The following SH3RF2 variants were observed in gnomAD, a reference collection of about 807,000 sequenced individuals.
SH3RF2 encodes E3 ubiquitin-protein ligase SH3RF2.
SH3RF2 carries 43 observed loss-of-function variants against 59.0 expected under a neutral mutation model. The observed-to-expected ratio is 0.73, with a 90% confidence interval of 0.57 to 0.94. The LOEUF is 0.94. SH3RF2 is among the 40% of genes least tolerant of loss of function. The pLI, the probability that SH3RF2 is intolerant of heterozygous loss-of-function variation, is 0.00. For missense variants in SH3RF2, 930 were observed against 940.1 expected (o/e 0.99, Z 0.14); for synonymous variants, 391 against 391.5 (o/e 1.00, Z 0.01).
Position 146,004,051 on chromosome 5 carries a change from C to T in SH3RF2, c.649-7C>T, listed in dbSNP as rs1402260685. ...GTAAATGCTGACCATGAGACTTTCT[C>T]TTTCAGGACGATATCATCACTGTGA... On this transcript the variant is annotated splice_region_variant and splice_polypyrimidine_tract_variant and intron_variant, in intron 3 of 9. Transcript: ENST00000359120. 2 of 1,610,514 alleles carry T rather than the reference C, an allele frequency of 1.2e-6. No homozygotes were observed. Among genetic ancestry groups the T allele is most frequent in the Non-Finnish European group, 1.7e-6 (2 of 1,177,554 alleles).
chr5:146,033,689 C>A (rs981782247), intron 5 of SH3RF2, among the ~76,000 whole-genome samples: 1 of 151,842 alleles, frequency 6.6e-6, no homozygotes, highest in African/African-American at 2.4e-5. Context: ...AGGCTGGTCT[C>A]GAACTCCCGA....
intron 7 of SH3RF2, among the ~76,000 whole-genome samples, chr5:146,053,466 C>A (rs1445427365): frequency 6.6e-6 from 1 of 152,034 alleles, no homozygotes; most frequent in Non-Finnish European, 1.5e-5. Flanking sequence ...TGAAGAAATG[C>A]AATCCTCCTC....
chr5:145,974,886 T>C (rs13162634), intron 2 of SH3RF2, among the ~76,000 whole-genome samples: 45 of 152,246 alleles, frequency 3.0e-4, no homozygotes, highest in Non-Finnish European at 5.4e-4. Context: ...TAAGGAAATC[T>C]GTAGGTCTAC....
At chr5:145,947,768 T>C (rs1009358158) in intron 2 of SH3RF2, among the ~76,000 whole-genome samples, 5 of 152,230 alleles carry the variant, frequency 3.3e-5, no homozygotes, top group Non-Finnish European at 7.3e-5. Flanking sequence ...AACAGACACA[T>C]ATAAGATGTC....
chr5:146,058,909 C>G (rs1762777725), intron 8 of SH3RF2, among the ~76,000 whole-genome samples: 1 of 151,196 alleles, frequency 6.6e-6, no homozygotes, highest in Admixed American at 6.6e-5. Context: ...ACAATGAGCT[C>G]AGGAAGGGAC....
chr5:146,073,458 C>T (rs867092149), intron 9 of SH3RF2, among the ~76,000 whole-genome samples: 1 of 152,224 alleles, frequency 6.6e-6, no homozygotes, highest in African/African-American at 2.4e-5. Flanking sequence ...CGATAACAAC[C>T]TCTCCTCCTT....
At chr5:146,051,824 G>A (rs1170204600) in intron 7 of SH3RF2, among the ~76,000 whole-genome samples, 1 of 152,194 alleles carries the variant, frequency 6.6e-6, no homozygotes, top group Non-Finnish European at 1.5e-5. Context: ...GAAACGAGAT[G>A]AGATCATCAT....
At chr5:146,047,685 G>A (rs1762354418) in intron 5 of SH3RF2, 87 bp from the exon 6 acceptor site, 2 of 1,259,976 alleles carry the variant, frequency 1.6e-6, no homozygotes, top group South Asian at 2.6e-5. Flanking sequence ...AGCTGTGTCA[G>A]GTCTTTCTAC....
In SH3RF2 at chr5:146,062,627, AAGTC is replaced by A. The variant is rs754186634; in HGVS notation, c.2119_2122del (p.Ser707LeufsTer30). ...CGGACAGCAGACAGACCTCCGGAGAAAGTCAGCTCTTGGCAAGGCCACAACCCTG... is the reference window on the plus strand; with the variant it reads ...CGGACAGCAGACAGACCTCCGGAGAAAGCTCTTGGCAAGGCCACAACCCTG... On this transcript the variant is annotated frameshift_variant, in exon 10 of 10. Coordinates refer to ENST00000359120, the MANE Select transcript of SH3RF2 (RefSeq NM_152550.4). LOFTEE classifies it high-confidence loss of function. 43 of 1,614,046 alleles carry A rather than the reference AAGTC, an allele frequency of 2.7e-5. 1 individual carries two copies. In the South Asian group the frequency reaches 4.7e-4, roughly 18 times the overall value.
chr5:146,013,253 C>T (rs112947407), intron 4 of SH3RF2, among the ~76,000 whole-genome samples: 11 of 152,004 alleles, frequency 7.2e-5, no homozygotes, highest in East Asian at 5.8e-4. Flanking sequence ...AGATAGCTAA[C>T]GGACTAGTGG....
At chr5:146,015,540 T>C (rs911403783) in intron 5 of SH3RF2, among the ~76,000 whole-genome samples, 4 of 152,190 alleles carry the variant, frequency 2.6e-5, no homozygotes, top group African/African-American at 9.7e-5. Context: ...TTTGAAACGA[T>C]TCTTTATATA....
chr5:146,015,989 T>G (rs1761089913), intron 5 of SH3RF2, among the ~76,000 whole-genome samples: 1 of 152,190 alleles, frequency 6.6e-6, no homozygotes, highest in Non-Finnish European at 1.5e-5. Context: ...TCTAACATTC[T>G]TGAGAGCTGT....
At chr5:146,074,838 C>T (rs1763311499) in intron 9 of SH3RF2, among the ~76,000 whole-genome samples, 1 of 152,018 alleles carries the variant, frequency 6.6e-6, no homozygotes, top group African/African-American at 2.4e-5. Flanking sequence ...TTCTCTGGCA[C>T]AGCATTTCAA....
intron 2 of SH3RF2, among the ~76,000 whole-genome samples, chr5:145,976,174 G>A (rs976221028): frequency 2.6e-5 from 4 of 152,160 alleles, no homozygotes; most frequent in African/African-American, 4.8e-5. Context: ...ATTAACAAAT[G>A]CAGGATATTG....
In SH3RF2 at chr5:145,938,005, T is replaced by TC; in HGVS notation, c.80dup (p.Cys28LeufsTer34). 4.3e-6 allele frequency: 7 copies of TC among 1,614,214 alleles called. No homozygotes were observed. Among genetic ancestry groups the TC allele is most frequent in the Non-Finnish European group, 5.9e-6 (7 of 1,180,020 alleles). On this transcript the variant is annotated frameshift_variant, in exon 2 of 10. Coordinates refer to ENST00000359120, the MANE Select transcript of SH3RF2 (RefSeq NM_152550.4). LOFTEE classifies it high-confidence loss of function. The stretch of plus-strand genomic sequence containing the variant: ...AAGCTCGATGTCACAGCCAAAGTCC[T>TC]CCCTTGCCAGCACACCTTCTGCAAA...
At chr5:146,057,966 C>CTCTATCTA (rs1554120846) in intron 8 of SH3RF2, among the ~76,000 whole-genome samples, 11 of 72,920 alleles carry the variant, frequency 1.5e-4, no homozygotes, top group Admixed American at 2.9e-4. Context: ...CTCTCTCTCT[C>CTCTATCTA]TCTATCTATC....
At chr5:145,976,206 C>T (rs1759287915) in intron 2 of SH3RF2, among the ~76,000 whole-genome samples, 1 of 152,038 alleles carries the variant, frequency 6.6e-6, no homozygotes, top group African/African-American at 2.4e-5. Context: ...GGCCAGGATT[C>T]GCCCTCAGAC....
intron 7 of SH3RF2, among the ~76,000 whole-genome samples, chr5:146,054,923 A>C (rs1762618511): frequency 1.3e-5 from 2 of 152,208 alleles, no homozygotes. Context: ...ACAGGGTGAC[A>C]AGGTGATTAA....
At chr5:146,013,637 G>A (rs1040768196) in intron 4 of SH3RF2, 110 bp from the exon 5 acceptor site, 1 of 1,109,382 alleles carries the variant, frequency 9.0e-7, no homozygotes, top group Non-Finnish European at 1.3e-6. Context: ...ATCTGAGCCA[G>A]TGACTGAGGA....
Sources: gnomAD v4.1 joint callset for allele counts (sites outside exome capture counted in the v4.1 genomes callset) on GRCh38, gnomAD v4.1.1 for gene constraint, MANE v1.5 for transcripts, NCBI Gene and HGNC (gene_info 2026-07-23, HGNC 2026-07-21) for gene names.